The following USP50 variants were observed in gnomAD, a reference collection of about 807,000 sequenced individuals.
USP50 encodes ubiquitin specific peptidase 50, also known as ubiquitin carboxyl-terminal hydrolase 50.
A neutral mutation model predicts 39.2 loss-of-function variants in USP50; 37 were observed. That is an observed-to-expected ratio of 0.94 (90% CI 0.73 to 1.24). The LOEUF (loss-of-function observed/expected upper bound fraction) is 1.24, where lower values mean the gene tolerates loss of function less well. USP50 is among the 50% of genes most tolerant of loss of function. The probability of loss-of-function intolerance (pLI) is 0.00; values close to 1 mark genes in which losing one functional copy is unlikely to be tolerated. For missense variants in USP50, 374 were observed against 398.2 expected (o/e 0.94, Z 0.52); for synonymous variants, 139 against 144.5 (o/e 0.96, Z 0.27).
At chr15:50,493,799 A>C (rs773508831), downstream of USP50, 37 of 582,016 alleles carry the variant, frequency 6.4e-5, no homozygotes, top group Non-Finnish European at 1.1e-4. Flanking sequence ...GGATGAGAGC[A>C]GTGCCAGAAG....
downstream of USP50, chr15:50,493,447 A>G (rs1416057539): frequency 1.9e-6 from 1 of 519,004 alleles, no homozygotes; most frequent in Non-Finnish European, 3.8e-6. Context: ...AGGGGAAAAT[A>G]TCTTTATCCT....
chr15:50,536,696 A>G (rs893827743), intron 5 of USP50, among the ~76,000 whole-genome samples: 1 of 152,128 alleles, frequency 6.6e-6, no homozygotes, highest in Non-Finnish European at 1.5e-5. Flanking sequence ...TACCATTCAC[A>G]TTAGCACCCT....
intron 5 of USP50, among the ~76,000 whole-genome samples, chr15:50,535,157 AC>A (rs2052970153): frequency 6.6e-6 from 1 of 152,086 alleles, no homozygotes; most frequent in African/African-American, 2.4e-5. Flanking sequence ...ACACACACAC[AC>A]ACACACAAAA....
downstream of USP50, chr15:50,497,590 A>G (rs1422710302): frequency 6.3e-6 from 1 of 157,632 alleles, no homozygotes; most frequent in African/African-American, 2.4e-5. Context: ...TGTGTTAAAT[A>G]AAATTTATAA....
chr15:50,513,669 CAAAA>C (rs1392377474), intron 6 of USP50: 2 of 151,998 alleles, frequency 1.3e-5, no homozygotes, highest in African/African-American at 4.8e-5. Context: ...AGGCATTTCA[CAAAA>C]GAAAGTATAC....
downstream of USP50, chr15:50,499,368 G>T: frequency 3.9e-6 from 1 of 254,898 alleles, no homozygotes; most frequent in Non-Finnish European, 7.3e-6. Flanking sequence ...TTATTCGACT[G>T]GTCTAAAAAC....
At chr15:50,515,383 G>T (rs1214083837) in intron 6 of USP50, among the ~76,000 whole-genome samples, 1 of 151,846 alleles carries the variant, frequency 6.6e-6, no homozygotes, top group Non-Finnish European at 1.5e-5. Context: ...CTGAGATTAT[G>T]GGCATGTGCC....
downstream of USP50, chr15:50,493,185 A>C (rs1595986072): frequency 1.9e-6 from 1 of 537,488 alleles, no homozygotes; most frequent in South Asian, 1.5e-5. Context: ...AACGGCACCT[A>C]ATCCTGTTCA....
At chr15:50,515,245 G>C (rs912903925) in intron 6 of USP50, among the ~76,000 whole-genome samples, 1 of 151,894 alleles carries the variant, frequency 6.6e-6, no homozygotes, top group African/African-American at 2.4e-5. Context: ...TTTTGTTGTT[G>C]TTGTTGTTGT....
At chr15:50,495,493 G>GT (rs1255429550) in intron 1 of USP50, among the ~76,000 whole-genome samples, 26 of 131,016 alleles carry the variant, frequency 2.0e-4, no homozygotes, top group African/African-American at 8.0e-4. Context: ...TGGAGGGGGG[G>GT]GTCTCACTAT....
chr15:50,509,668 AT>A (rs2052713682), intron 6 of USP50: 1 of 152,190 alleles, frequency 6.6e-6, no homozygotes, highest in African/African-American at 2.4e-5. Context: ...ATAAAATAAA[AT>A]AAAATAAAAA....
downstream of USP50, chr15:50,496,786 TTTAGTC>T (rs1309118650): frequency 1.8e-5 from 4 of 224,604 alleles, no homozygotes; most frequent in African/African-American, 9.0e-5. Context: ...TGTTGATACC[TTTAGTC>T]TTAAAGTACC....
intron 6 of USP50, chr15:50,508,414 C>A (rs950816112): frequency 6.6e-6 from 1 of 151,944 alleles, no homozygotes; most frequent in East Asian, 1.9e-4. Flanking sequence ...GGATGCATGG[C>A]GGTTTGTTAT....
At chr15:50,525,454 A>G (rs1025591929) in intron 6 of USP50, among the ~76,000 whole-genome samples, 2 of 142,444 alleles carry the variant, frequency 1.4e-5, no homozygotes, top group Admixed American at 7.7e-5. Context: ...TGATTTAATC[A>G]TTCCACATTT....
In USP50 at chr15:50,508,286, A is replaced by G. The variant is rs183530701; in HGVS notation, c.937-7449T>C. 3 of 152,286 alleles carry G rather than the reference A, an allele frequency of 2.0e-5. No homozygotes were observed. In the South Asian group the frequency reaches 6.2e-4, roughly 32 times the overall value. 9.4% of individuals were successfully genotyped at this position (152,286 alleles called of 1,614,324 possible). On this transcript the variant is annotated intron_variant, in intron 6 of 6. Transcript: ENST00000532404. ...AATACTATATCAAAACATGGGATGCACTGATGTCTGAGAATGTCTTAAAAA... is the reference window on the plus strand; with the variant it reads ...AATACTATATCAAAACATGGGATGCGCTGATGTCTGAGAATGTCTTAAAAA...
Position 50,538,619 on chromosome 15 carries a change from T to C in USP50, c.803+90A>G, listed in dbSNP as rs967770453. 23 of 1,301,436 alleles carry C rather than the reference T, an allele frequency of 1.8e-5. No individual in the cohort carries two copies. In the South Asian group the frequency reaches 3.4e-4, roughly 19 times the overall value. 80.6% of individuals were successfully genotyped at this position (1,301,436 alleles called of 1,614,324 possible). A position where few individuals can be genotyped will look rare whatever the true frequency, so the allele number is the denominator to read the frequency against. ...ATATACCAAATATCATTGAATTGTA[T>C]ACTCTAAATGGGTGAATTATTGGCA... is the stretch of plus-strand genomic sequence containing the variant. On this transcript the variant is annotated intron_variant, in intron 5 of 6. Coordinates refer to ENST00000532404, the MANE Select transcript of USP50 (RefSeq NM_203494.5).
chr15:50,527,720 T>C (rs930706017), intron 6 of USP50, among the ~76,000 whole-genome samples: 1 of 151,030 alleles, frequency 6.6e-6, no homozygotes, highest in Non-Finnish European at 1.5e-5. Context: ...CTGCAACTTC[T>C]GCCTCCTGGG....
At chr15:50,536,498 G>A (rs989507188) in intron 5 of USP50, among the ~76,000 whole-genome samples, 1 of 151,958 alleles carries the variant, frequency 6.6e-6, no homozygotes, top group East Asian at 1.9e-4. Context: ...AAAACTAGTC[G>A]GGTATGGTGG....
At chr15:50,513,253 G>A (rs2052761133) in intron 6 of USP50, 3 of 152,120 alleles carry the variant, frequency 2.0e-5, no homozygotes, top group Admixed American at 2.0e-4. Flanking sequence ...ATGCAGGAAT[G>A]TCTGCATAAT....
Sources: allele counts gnomAD v4.1 joint callset (sites outside exome capture counted in the v4.1 genomes callset), GRCh38; gene constraint gnomAD v4.1.1; transcripts MANE v1.5; gene names NCBI Gene and HGNC (gene_info 2026-07-23, HGNC 2026-07-21).